The following PLA2G4A variants were observed in gnomAD, a reference collection of about 807,000 sequenced individuals.
The protein encoded by PLA2G4A is cytosolic phospholipase A2.
Under a neutral mutation model 81.9 loss-of-function variants are expected in PLA2G4A, and 40 were observed. The observed-to-expected ratio is 0.49, with a 90% CI of 0.38 to 0.64. The LOEUF is 0.64. Among genes scored for constraint, PLA2G4A ranks in the 30% least tolerant of loss-of-function variants. The pLI, the probability that PLA2G4A is intolerant of heterozygous loss-of-function variation, is 0.00. For missense variants in PLA2G4A, 715 were observed against 905.1 expected (o/e 0.79, Z 2.69); for synonymous variants, 302 against 296.9 (o/e 1.02, Z -0.18).
Position 186,979,478 on chromosome 1 carries a change from T to A in PLA2G4A, c.2118+6T>A, listed in dbSNP as rs780513140. 6.4e-7 allele frequency: 1 copy of A among 1,554,442 alleles called. No individual in the cohort carries two copies. The highest frequency in any genetic ancestry group is 8.9e-7 in the Non-Finnish European group (1 of 1,125,768). On this transcript the variant is annotated splice_donor_region_variant and intron_variant, in intron 17 of 17. Coordinates refer to ENST00000367466, the MANE Select transcript of PLA2G4A (RefSeq NM_024420.3). Reference sequence around the variant, plus strand: ...ATACTCTGAACAACATTGATGTAAGTATCTCCTATGGCCATTGACTATGTC... The same window carrying A: ...ATACTCTGAACAACATTGATGTAAGAATCTCCTATGGCCATTGACTATGTC...
chr1:186,921,100 G>A (rs1227334612), intron 7 of PLA2G4A, among the ~76,000 whole-genome samples: 4 of 152,100 alleles, frequency 2.6e-5, no homozygotes, highest in Non-Finnish European at 5.9e-5. Flanking sequence ...AGTCTTTTGA[G>A]CCCCTTTCTT....
chr1:186,877,131 G>C (rs1653529905), intron 3 of PLA2G4A, among the ~76,000 whole-genome samples: 1 of 152,024 alleles, frequency 6.6e-6, no homozygotes, highest in South Asian at 2.1e-4. Context: ...TAAATGATCT[G>C]TTTGGTAGCT....
At chr1:186,874,250 G>A (rs1653388355) in intron 3 of PLA2G4A, among the ~76,000 whole-genome samples, 1 of 151,966 alleles carries the variant, frequency 6.6e-6, no homozygotes, top group African/African-American at 2.4e-5. Context: ...TATTTCAATT[G>A]GTCATAGAAT....
chr1:186,866,304 T>G (rs1653028528), intron 2 of PLA2G4A, among the ~76,000 whole-genome samples: 1 of 152,200 alleles, frequency 6.6e-6, no homozygotes, highest in African/African-American at 2.4e-5. Context: ...ATGTGCTTAC[T>G]TTATTATAGT....
rs577572360 is a variant in PLA2G4A at position 186,871,528 on chromosome 1, T to A, written c.115+1012T>A. On this transcript the variant is annotated intron_variant, in intron 3 of 17. Transcript: ENST00000367466. ...CCCAAATGACATTTAAACTGGTACC[T>A]AAAGGAGAAGTATCTTGGTCATGAG... Among the ~76,000 whole-genome samples, 96 of 152,174 alleles carry A rather than the reference T, an allele frequency of 6.3e-4. 1 individual carries two copies. Among genetic ancestry groups the A allele is most frequent in the Non-Finnish European group, 1.2e-3 (79 of 67,984 alleles).
At chr1:186,884,268 T>C (rs1161991020) in intron 3 of PLA2G4A, among the ~76,000 whole-genome samples, 24 of 151,310 alleles carry the variant, frequency 1.6e-4, no homozygotes, top group African/African-American at 2.9e-4. Flanking sequence ...TTTTTTTTTT[T>C]TTTTAGTGAA....
chr1:186,911,350 G>C lies in PLA2G4A; in HGVS notation c.519G>C (p.Leu173Phe), dbSNP rs1227933420. 1 of 1,611,658 alleles carries C rather than the reference G, an allele frequency of 6.2e-7. No individual in the cohort carries two copies. The highest frequency in any genetic ancestry group is 1.7e-5 in the Admixed American group (1 of 60,014). Residue 173 changes from leucine (L) to phenylalanine (F), a missense_variant, in exon 7 of 18, where the codon TTG becomes TTC. Coordinates refer to ENST00000367466, the MANE Select transcript of PLA2G4A (RefSeq NM_024420.3). ...TAAGGGAGAGCATGAAGAAACTCTT[G>C]GGTCCAAAGAATAGTGAAGGATTGC... ...EHIRESMKKL[L>F]GPKNSEGLHS...
chr1:186,966,591 G>A (rs1042367333), intron 15 of PLA2G4A, among the ~76,000 whole-genome samples: 3 of 152,088 alleles, frequency 2.0e-5, no homozygotes, highest in Admixed American at 6.6e-5. Context: ...ATAAAAGTCC[G>A]CCTGTGTTGA....
chr1:186,952,843 C>T (rs1656612839), intron 13 of PLA2G4A, among the ~76,000 whole-genome samples: 2 of 152,028 alleles, frequency 1.3e-5, no homozygotes, highest in South Asian at 2.1e-4. Context: ...TAGTAGTGTG[C>T]ATTTAAAGTT....
In PLA2G4A at chr1:186,906,016, A is replaced by T. The variant is rs114901907; in HGVS notation, c.379-949A>T. Among the ~76,000 whole-genome samples the T allele has an allele frequency of 2.8e-3, 431 of 152,284 alleles. 4 individuals are homozygous for T. Among genetic ancestry groups the T allele is most frequent in the African/African-American group, 9.7e-3 (402 of 41,564 alleles). The stretch of plus-strand genomic sequence containing the variant: ...ATAGCATTTTATGTTGATTCTAAAA[A>T]TTTCCTCTGCACATTTCAAGAGGTA... On this transcript the variant is annotated intron_variant, in intron 5 of 17. Transcript: ENST00000367466.
intron 13 of PLA2G4A, among the ~76,000 whole-genome samples, chr1:186,954,151 T>C (rs1026261180): frequency 6.6e-6 from 1 of 152,196 alleles, no homozygotes; most frequent in Non-Finnish European, 1.5e-5. Context: ...TGTATGTTTA[T>C]GGTGGCGCTA....
At chr1:186,849,679 A>G (rs951045279) in intron 1 of PLA2G4A, among the ~76,000 whole-genome samples, 2 of 152,038 alleles carry the variant, frequency 1.3e-5, no homozygotes, top group Non-Finnish European at 2.9e-5. Flanking sequence ...TTTAGTGCTC[A>G]CCCTCAATTA....
At chr1:186,865,532 C>T (rs1053959750) in intron 2 of PLA2G4A, among the ~76,000 whole-genome samples, 1 of 152,088 alleles carries the variant, frequency 6.6e-6, no homozygotes, top group Non-Finnish European at 1.5e-5. Flanking sequence ...GAGAAGGTGC[C>T]TATTGCCAGT....
chr1:186,864,127 G>T (rs1384348644), intron 2 of PLA2G4A, among the ~76,000 whole-genome samples: 1 of 152,064 alleles, frequency 6.6e-6, no homozygotes, highest in Non-Finnish European at 1.5e-5. Flanking sequence ...CAAATGACAG[G>T]ATTTCCTTCT....
intron 1 of PLA2G4A, among the ~76,000 whole-genome samples, chr1:186,849,536 A>C (rs1042626969): frequency 6.6e-6 from 1 of 151,916 alleles, no homozygotes; most frequent in Admixed American, 6.6e-5. Context: ...TAAATTTCCA[A>C]CCTCATCATA....
At chr1:186,912,475 T>C (rs1654981696) in intron 7 of PLA2G4A, among the ~76,000 whole-genome samples, 1 of 152,072 alleles carries the variant, frequency 6.6e-6, no homozygotes, top group Non-Finnish European at 1.5e-5. Context: ...CTCTCCTCCC[T>C]ACCCCTGCAC....
chr1:186,839,158 G>A (rs1651890406), intron 1 of PLA2G4A, among the ~76,000 whole-genome samples: 1 of 152,148 alleles, frequency 6.6e-6, no homozygotes, highest in Non-Finnish European at 1.5e-5. Context: ...TGAAGGCCAG[G>A]CTCCTCCATG....
chr1:186,903,614 C>T (rs1654626252), intron 5 of PLA2G4A, among the ~76,000 whole-genome samples: 1 of 152,094 alleles, frequency 6.6e-6, no homozygotes, highest in African/African-American at 2.4e-5. Flanking sequence ...AGCATGAACC[C>T]TATTGTGAAC....
At chr1:186,934,459 T>TAC (rs1435890369) in intron 8 of PLA2G4A, among the ~76,000 whole-genome samples, 5,599 of 126,900 alleles carry the variant, frequency 0.044, 304 homozygotes, top group Middle Eastern at 0.048. Flanking sequence ...TATATATATA[T>TAC]ATATACATAC....
Sources: allele counts gnomAD v4.1 joint callset (sites outside exome capture counted in the v4.1 genomes callset), GRCh38; gene constraint gnomAD v4.1.1; transcripts MANE v1.5; gene names NCBI Gene and HGNC (gene_info 2026-07-23, HGNC 2026-07-21).